EFHC1: variants seen among roughly 807,000 people sequenced by gnomAD.
EFHC1 encodes EF-hand domain containing 1, also known as EF-hand domain-containing protein 1.
Under a neutral mutation model 69.9 loss-of-function variants are expected in EFHC1, and 53 were observed. That is an observed-to-expected ratio of 0.76 (90% CI 0.61 to 0.95). The LOEUF (loss-of-function observed/expected upper bound fraction) is 0.95. Ranked by LOEUF, EFHC1 falls within the 40% of genes least tolerant of loss-of-function variation. EFHC1 has a pLI of 0.00. For synonymous variants in EFHC1, 256 were observed against 278.4 expected (o/e 0.92, Z 0.80); for missense variants, 739 against 798.7 (o/e 0.93, Z 0.90).
intron 3 of EFHC1, among the ~76,000 whole-genome samples, chr6:52,445,180 TTC>T (rs1437689580): frequency 1.3e-5 from 2 of 151,738 alleles, no homozygotes; most frequent in African/African-American, 2.4e-5. Flanking sequence ...TATTTGATTC[TTC>T]TCTCTTTTCT....
In EFHC1 at chr6:52,438,370, C is replaced by A; in HGVS notation, c.352C>A (p.Arg118Ser). The A allele has an allele frequency of 6.2e-7, 1 of 1,613,782 alleles. No homozygotes were observed. The highest frequency in any genetic ancestry group is 8.5e-7 in the Non-Finnish European group (1 of 1,179,898). ...GTCAACTGAGGAACAGTATAGGATC[C>A]GTCAGGTGAACATTTACTATTATCT... Reference protein sequence around the residue: ...PMSTEEQYRIRQVNIYYYLED... With the variant: ...PMSTEEQYRISQVNIYYYLED... Residue 118 changes from arginine to serine, a missense_variant, in exon 3 of 11, where the codon CGT (arginine) becomes AGT (serine). Coordinates refer to ENST00000371068, the MANE Select transcript of EFHC1 (RefSeq NM_018100.4).
Position 52,479,538 on chromosome 6 carries a change from A to G in EFHC1, c.1493-102A>G. 3.3e-6 allele frequency: 5 copies of G among 1,538,252 alleles called. No homozygotes were observed. The South Asian group carries it at 5.6e-5, about 17-fold the overall frequency. On this transcript the variant is annotated intron_variant, in intron 8 of 10. Transcript: ENST00000371068. ...AGAAAGCTCATTAGTTTCTGTCATA[A>G]ATGCATACCTGTGAATTTATCATTG...
chr6:52,450,736 T>C (rs767408669), intron 3 of EFHC1, among the ~76,000 whole-genome samples: 3 of 152,104 alleles, frequency 2.0e-5, no homozygotes, highest in Non-Finnish European at 4.4e-5. Context: ...CAGCATACCA[T>C]TGGGTCTTCC....
At position 52,479,159 on chromosome 6, in the gene EFHC1, T is replaced by C. The variant is rs774448421; in HGVS notation, c.1401T>C (p.Leu467=). The C allele has an allele frequency of 6.2e-7, 1 of 1,614,154 alleles. No homozygotes were observed. Among genetic ancestry groups the C allele is most frequent in the Non-Finnish European group, 8.5e-7 (1 of 1,180,010 alleles). ...RNSGIIGGKY[L]GRTKVVKPYS... Reference sequence around the variant, plus strand: ...CTGGTATCATTGGGGGCAAGTACCTTGGCAGGACTAAAGTTGTTAAACCAT... The same window carrying C: ...CTGGTATCATTGGGGGCAAGTACCTCGGCAGGACTAAAGTTGTTAAACCAT... The change falls in exon 8 of 11, where the codon CTT becomes CTC. Residue 467 remains leucine (L), a synonymous_variant. Coordinates refer to ENST00000371068, the MANE Select transcript of EFHC1 (RefSeq NM_018100.4).
chr6:52,462,110 A>G (rs1765180541), intron 5 of EFHC1, among the ~76,000 whole-genome samples: 1 of 151,970 alleles, frequency 6.6e-6, no homozygotes, highest in South Asian at 2.1e-4. Context: ...ATGCTTACCC[A>G]ACACCCAATT....
chr6:52,421,134 T>A (rs1475229720), intron 1 of EFHC1: 7 of 849,218 alleles, frequency 8.2e-6, no homozygotes, highest in Admixed American at 5.9e-5. Context: ...TTCTACATTT[T>A]CCACAATTTA....
In EFHC1 at chr6:52,492,292, G is replaced by A. The variant is rs1435939361; in HGVS notation, c.1874G>A (p.Gly625Glu). Residue 625 changes from glycine (G) to glutamate (E), a missense_variant, in exon 11 of 11, where the codon GGA (glycine) becomes GAA (glutamate). By Grantham distance (98) the Gly-to-Glu change is moderately conservative. Transcript: ENST00000371068. ...CAGTTAATCAGGATGTGCTCTCATG[G>A]AGAAGGCAAAATTAACTACTATAAC... ...VKELIRMCSH[G>E]EGKINYYNFV... is the part of the protein sequence containing the mutation. 2 of 1,613,902 alleles carry A rather than the reference G, an allele frequency of 1.2e-6. No individual in the cohort carries two copies. The highest frequency in any genetic ancestry group is 2.2e-5 in the East Asian group (1 of 44,890).
In EFHC1 at chr6:52,452,767, A is replaced by T; in HGVS notation, c.653A>T (p.Gln218Leu). 1 of 1,614,230 alleles carries T rather than the reference A, an allele frequency of 6.2e-7. No homozygotes were observed. Residue 218 changes from glutamine (Q) to leucine (L), a missense_variant, in exon 4 of 11, where the codon CAG (glutamine) becomes CTG (leucine). Physicochemically the swap from Gln to Leu is moderately radical, Grantham distance 113 (BLOSUM62 -2). Transcript: ENST00000371068. Reference sequence around the variant, plus strand: ...GATCCTTACACTGAACTCCGAAAACAGCCTCTTCGTAAGTATGTCACCCCA... The same window carrying T: ...GATCCTTACACTGAACTCCGAAAACTGCCTCTTCGTAAGTATGTCACCCCA... ...ALDPYTELRKQPLRKYVTPSD... is the reference protein window; with the variant it reads ...ALDPYTELRKLPLRKYVTPSD...
intron 3 of EFHC1, among the ~76,000 whole-genome samples, chr6:52,450,815 T>G (rs922940147): frequency 6.6e-6 from 1 of 152,196 alleles, no homozygotes; most frequent in Admixed American, 6.5e-5. Context: ...TTGTTTGTTT[T>G]TGAGACAGAA....
chr6:52,437,024 A>T (rs760144897), intron 2 of EFHC1, among the ~76,000 whole-genome samples: 2 of 152,164 alleles, frequency 1.3e-5, no homozygotes, highest in African/African-American at 2.4e-5. Context: ...CAGAGGACCA[A>T]TGGTTTGCTC....
chr6:52,467,168 G>A (rs1440447805), intron 6 of EFHC1, among the ~76,000 whole-genome samples: 2 of 150,324 alleles, frequency 1.3e-5, no homozygotes, highest in African/African-American at 4.9e-5. Context: ...TTTTCTTGGT[G>A]AAAGGACTTT....
chr6:52,454,008 T>C, intron 4 of EFHC1, 87 bp from the exon 5 acceptor site: 3 of 1,605,978 alleles, frequency 1.9e-6, no homozygotes, highest in Non-Finnish European at 2.5e-6. Flanking sequence ...AGCTAGTCTT[T>C]CCATCGTTGA....
intron 2 of EFHC1, among the ~76,000 whole-genome samples, chr6:52,431,280 A>T: frequency 6.6e-6 from 1 of 151,448 alleles, no homozygotes; most frequent in South Asian, 2.1e-4. Context: ...TAGTTCCTTG[A>T]GGTGTGGCCT....
intron 9 of EFHC1, 62 bp from the exon 10 acceptor site, chr6:52,490,078 A>G (rs1765864268): frequency 6.7e-7 from 1 of 1,492,992 alleles, no homozygotes. Flanking sequence ...AACTTTGGTC[A>G]CCGAGATGAG....
intron 9 of EFHC1, chr6:52,487,356 T>A (rs1765807271): frequency 6.6e-6 from 1 of 152,218 alleles, no homozygotes; most frequent in Non-Finnish European, 1.5e-5. Context: ...TTAAAGCCTA[T>A]TGTGTGTGTC....
intron 2 of EFHC1, among the ~76,000 whole-genome samples, chr6:52,431,087 T>C (rs1205126559): frequency 6.6e-6 from 1 of 152,204 alleles, no homozygotes; most frequent in East Asian, 1.9e-4. Context: ...TTTTCTCTCT[T>C]CTTTTCTTGG....
At chr6:52,453,459 T>G (rs1764964079) in intron 4 of EFHC1, 2 of 1,287,206 alleles carry the variant, frequency 1.6e-6, no homozygotes, top group Non-Finnish European at 2.0e-6. Flanking sequence ...CCTCAGTGCT[T>G]CTTTGCTGCT....
At chr6:52,479,333 G>C in intron 8 of EFHC1, 83 bp downstream of exon 8, 1 of 1,439,834 alleles carries the variant, frequency 6.9e-7, no homozygotes, top group Non-Finnish European at 9.7e-7. Context: ...AACCCTGTAA[G>C]AGGCAATTAG....
In EFHC1 at chr6:52,496,348, C is replaced by G. The variant is rs765935234; in HGVS notation, c.*4007C>G. The G allele has an allele frequency of 6.6e-6, 1 of 152,258 alleles. No homozygotes were observed. The highest frequency in any genetic ancestry group is 1.5e-5 in the Non-Finnish European group (1 of 68,144). 9.4% of individuals were successfully genotyped at this position (152,258 alleles called of 1,614,324 possible). On this transcript the variant is annotated 3_prime_UTR_variant, in exon 11 of 11. Transcript: ENST00000371068. ...TTGGGACTAATAAAAATCTGCCTTG[C>G]GGGTAAAGATGGGCTGTGAGTTAGC...
Sources: gnomAD v4.1 joint callset for allele counts (sites outside exome capture counted in the v4.1 genomes callset) on GRCh38, gnomAD v4.1.1 for gene constraint, MANE v1.5 for transcripts, NCBI Gene and HGNC (gene_info 2026-07-23, HGNC 2026-07-21) for gene names.